The following TCF12 variants were observed in gnomAD, a reference collection of about 807,000 sequenced individuals.
TCF12 encodes transcription factor 12.
TCF12 carries 45 observed loss-of-function variants against 86.0 expected under a neutral mutation model. The ratio of observed to expected loss-of-function variants is 0.52; its 90% CI spans 0.41 to 0.67. TCF12 has a LOEUF of 0.67. Among genes scored for constraint, TCF12 ranks in the 30% least tolerant of loss-of-function variants. The pLI, the probability that TCF12 is intolerant of heterozygous loss-of-function variation, is 0.00. For missense variants in TCF12, 881 were observed against 859.9 expected (o/e 1.02, Z -0.31); for synonymous variants, 330 against 299.6 (o/e 1.10, Z -1.05).
At chr15:57,172,300 A>T (rs544180042) in intron 6 of TCF12, among the ~76,000 whole-genome samples, 20 of 152,364 alleles carry the variant, frequency 1.3e-4, no homozygotes, top group Admixed American at 5.9e-4. Flanking sequence ...TGCTTGGAAA[A>T]TTGAATACTT....
At chr15:57,101,262 G>A (rs1169879133) in intron 5 of TCF12, among the ~76,000 whole-genome samples, 3 of 152,072 alleles carry the variant, frequency 2.0e-5, no homozygotes, top group Non-Finnish European at 4.4e-5. Context: ...CTGGAGTGCA[G>A]TAACACATCT....
chr15:57,273,344 A>G (rs2061233331), intron 19 of TCF12, 82 bp downstream of exon 19: 2 of 1,426,498 alleles, frequency 1.4e-6, no homozygotes, highest in Admixed American at 1.9e-5. Flanking sequence ...TTCTGCTTGG[A>G]GAAGTTGTTT....
intron 6 of TCF12, among the ~76,000 whole-genome samples, chr15:57,173,989 A>C (rs966641862): frequency 2.9e-4 from 44 of 152,328 alleles, no homozygotes; most frequent in African/African-American, 1.0e-3. Context: ...TACAGGCGTG[A>C]GCCACTGCAC....
intron 5 of TCF12, among the ~76,000 whole-genome samples, chr15:57,141,820 C>CG: frequency 6.6e-6 from 1 of 152,182 alleles, no homozygotes; most frequent in Non-Finnish European, 1.5e-5. Flanking sequence ...TTTGCAGTGG[C>CG]GGGACACAGG....
At chr15:57,226,109 A>G (rs2058863445) in intron 8 of TCF12, among the ~76,000 whole-genome samples, 1 of 150,532 alleles carries the variant, frequency 6.6e-6, no homozygotes, top group African/African-American at 2.4e-5. Flanking sequence ...AAATGTACAT[A>G]TGCTTAAAAT....
At chr15:56,919,826 C>T (rs778428257) in intron 1 of TCF12, 66 bp from the exon 2 acceptor site, 24 of 1,436,568 alleles carry the variant, frequency 1.7e-5, no homozygotes, top group Non-Finnish European at 2.1e-5. Flanking sequence ...CCCAGTACCT[C>T]TCTCTGTTCC....
intron 3 of TCF12, among the ~76,000 whole-genome samples, chr15:56,953,517 G>C (rs1381036659): frequency 1.3e-5 from 2 of 151,886 alleles, no homozygotes; most frequent in Admixed American, 1.3e-4. Context: ...ATCTACAACT[G>C]TTTGGTAGAA....
intron 8 of TCF12, among the ~76,000 whole-genome samples, chr15:57,226,234 G>C (rs2058871826): frequency 6.8e-6 from 1 of 147,264 alleles, no homozygotes; most frequent in South Asian, 2.2e-4. Context: ...CAAGGTTTTA[G>C]GTACTTAGCT....
At chr15:56,950,745 GTTTTTTTTTTTTTTT>G (rs71113040) in intron 3 of TCF12, among the ~76,000 whole-genome samples, 6 of 85,922 alleles carry the variant, frequency 7.0e-5, no homozygotes, top group East Asian at 3.3e-4. Context: ...TTATGACCAT[GTTTTTTTTTTTTTTT>G]TTTTTTTTTT....
chr15:57,260,074 A>G (rs1034775926), intron 16 of TCF12, among the ~76,000 whole-genome samples: 5 of 152,292 alleles, frequency 3.3e-5, no homozygotes, highest in South Asian at 2.1e-4. Flanking sequence ...TATTTTTGCT[A>G]TGTGTGCCAG....
intron 3 of TCF12, among the ~76,000 whole-genome samples, chr15:56,976,564 A>C (rs2062617130): frequency 6.6e-6 from 1 of 152,052 alleles, no homozygotes; most frequent in Non-Finnish European, 1.5e-5. Context: ...GAATTATAAA[A>C]TTATAATGTT....
chr15:57,031,538 T>A (rs1387895433), intron 3 of TCF12, among the ~76,000 whole-genome samples: 2 of 152,214 alleles, frequency 1.3e-5, no homozygotes, highest in African/African-American at 4.8e-5. Flanking sequence ...GATAATATTC[T>A]CCGGTTCTGG....
At chr15:57,065,333 C>T (rs562510171) in intron 4 of TCF12, among the ~76,000 whole-genome samples, 3 of 152,252 alleles carry the variant, frequency 2.0e-5, no homozygotes, top group South Asian at 4.1e-4. Flanking sequence ...TAATCTTGGA[C>T]GCATTGTTTT....
chr15:57,217,412 AT>A, intron 8 of TCF12, among the ~76,000 whole-genome samples: 1 of 152,222 alleles, frequency 6.6e-6, no homozygotes, highest in South Asian at 2.1e-4. Context: ...AAATATTAAA[AT>A]TTTCATTGTG....
chr15:57,024,214 G>GTTTTTTTTTTTTTTTT, intron 3 of TCF12, among the ~76,000 whole-genome samples: 2 of 114,864 alleles, frequency 1.7e-5, no homozygotes, highest in African/African-American at 7.7e-5. Context: ...TCAAAAAAGT[G>GTTTTTTTTTTTTTTTT]TCTTTTTTTT....
chr15:57,251,159 A>ATT (rs150321424), intron 13 of TCF12, 191 bp from the exon 14 acceptor site: 5 of 456,652 alleles, frequency 1.1e-5, no homozygotes, highest in African/African-American at 4.1e-5. Context: ...TCAGCACCCC[A>ATT]TTTTTTTTAT....
chr15:57,066,153 C>T (rs937177815), intron 4 of TCF12, among the ~76,000 whole-genome samples: 6 of 152,048 alleles, frequency 3.9e-5, no homozygotes, highest in African/African-American at 1.4e-4. Context: ...TTGAAGCCTC[C>T]CTCAGTACTA....
intron 3 of TCF12, among the ~76,000 whole-genome samples, chr15:56,937,327 G>A (rs1489499366): frequency 6.6e-5 from 10 of 151,436 alleles, no homozygotes; most frequent in South Asian, 2.1e-4. Flanking sequence ...ATTTGTATAC[G>A]TTAATTTTGC....
intron 3 of TCF12, among the ~76,000 whole-genome samples, chr15:56,989,456 C>G (rs1419641869): frequency 6.6e-6 from 1 of 152,164 alleles, no homozygotes; most frequent in Non-Finnish European, 1.5e-5. Flanking sequence ...AACAAAAAAA[C>G]CAGGCAGCTG....
Sources: allele counts gnomAD v4.1 joint callset (sites outside exome capture counted in the v4.1 genomes callset), GRCh38; gene constraint gnomAD v4.1.1; transcripts MANE v1.5; gene names NCBI Gene and HGNC (gene_info 2026-07-23, HGNC 2026-07-21).